Variants in PLCE1 observed in about 807,000 individuals in gnomAD.
PLCE1 encodes the protein 1-phosphatidylinositol 4,5-bisphosphate phosphodiesterase epsilon-1.
A neutral mutation model predicts 242.8 loss-of-function variants in PLCE1; 119 were observed. That is an observed-to-expected ratio of 0.49 (90% CI 0.42 to 0.57). PLCE1 has a LOEUF of 0.57. Among genes scored for constraint, PLCE1 ranks in the 20% least tolerant of loss-of-function variants. PLCE1 has a pLI of 0.00. For missense variants in PLCE1, 2,441 were observed against 2,788.8 expected, an observed-to-expected ratio of 0.88 and a Z score of 2.81; for synonymous variants, 945 against 1,017.4, an observed-to-expected ratio of 0.93 and a Z score of 1.35.
At position 94,331,928 on chromosome 10, in the gene PLCE1, G is replaced by C. The variant is rs921773468; in HGVS notation, c.*3985G>C. On this transcript the variant is annotated 3_prime_UTR_variant, in exon 33 of 33. Coordinates refer to ENST00000371380, the MANE Select transcript of PLCE1 (RefSeq NM_016341.4). ...ACTCTGTTGCCCAGCCTGGAGTGCA[G>C]TGGTACGATCTCGACTCACCACAAC... 6.7e-6 allele frequency: 1 copy of C among 148,522 alleles called. No homozygotes were observed. Among genetic ancestry groups the C allele is most frequent in the Non-Finnish European group, 1.5e-5 (1 of 67,708 alleles). 9.2% of individuals were successfully genotyped at this position (148,522 alleles called of 1,614,324 possible).
intron 2 of PLCE1, among the ~76,000 whole-genome samples, chr10:94,070,700 G>A (rs1478214628): frequency 6.6e-6 from 1 of 152,084 alleles, no homozygotes; most frequent in Non-Finnish European, 1.5e-5. Flanking sequence ...CACTTTTCTT[G>A]ACTATTCCTG....
At chr10:94,192,984 A>G (rs981096666) in intron 4 of PLCE1, among the ~76,000 whole-genome samples, 1 of 152,190 alleles carries the variant, frequency 6.6e-6, no homozygotes, top group Non-Finnish European at 1.5e-5. Flanking sequence ...CATAAATACA[A>G]TTTTATTATA....
intron 1 of PLCE1, among the ~76,000 whole-genome samples, chr10:93,999,633 G>A (rs1289872767): frequency 6.6e-6 from 1 of 152,188 alleles, no homozygotes; most frequent in Non-Finnish European, 1.5e-5. Context: ...GACTGCATCT[G>A]GACAGCCCGA....
At chr10:94,257,322 T>C in intron 11 of PLCE1, among the ~76,000 whole-genome samples, 1 of 151,902 alleles carries the variant, frequency 6.6e-6, no homozygotes, top group South Asian at 2.1e-4. Flanking sequence ...TTCTTATATA[T>C]TTGAAATATT....
intron 4 of PLCE1, among the ~76,000 whole-genome samples, chr10:94,194,495 G>A (rs189443508): frequency 1.4e-3 from 215 of 152,210 alleles, no homozygotes; most frequent in African/African-American, 4.4e-3. Flanking sequence ...CTGTCTACCC[G>A]GATGACTCAC....
At chr10:94,268,900 TG>T in intron 16 of PLCE1, 28 bp from the exon 17 acceptor site, 2 of 1,307,920 alleles carry the variant, frequency 1.5e-6, no homozygotes, top group Non-Finnish European at 2.2e-6. Context: ...GGTGCTCACC[TG>T]GGGTGGATTC....
At chr10:94,244,799 C>G (rs958834705) in intron 7 of PLCE1, among the ~76,000 whole-genome samples, 1 of 152,102 alleles carries the variant, frequency 6.6e-6, no homozygotes, top group African/African-American at 2.4e-5. Context: ...ACCTCCCAGG[C>G]TCCAGCAATC....
chr10:94,053,042 A>G (rs1311023002), intron 2 of PLCE1, among the ~76,000 whole-genome samples: 1 of 152,224 alleles, frequency 6.6e-6, no homozygotes, highest in African/African-American at 2.4e-5. Context: ...CGCTTTTTGA[A>G]GAGAAAACTT....
intron 23 of PLCE1, 79 bp downstream of exon 23, chr10:94,293,718 C>T (rs911588149): frequency 1.1e-5 from 16 of 1,497,550 alleles, no homozygotes; most frequent in Admixed American, 6.8e-5. Flanking sequence ...TAAGCACTTC[C>T]CTTGAATTTT....
chr10:94,182,095 T>G (rs546306291), intron 4 of PLCE1, among the ~76,000 whole-genome samples: 10 of 107,092 alleles, frequency 9.3e-5, no homozygotes, highest in South Asian at 7.3e-4. Flanking sequence ...TTTCTTTCTG[T>G]TTTTTTTTTT....
chr10:94,066,632 TATTCCCA>T (rs2044204144), intron 2 of PLCE1, among the ~76,000 whole-genome samples: 3 of 152,174 alleles, frequency 2.0e-5, no homozygotes, highest in Admixed American at 1.3e-4. Context: ...TTTAATGCAC[TATTCCCA>T]TGCTTGCGTG....
At chr10:94,161,152 G>T (rs1431894202) in intron 3 of PLCE1, among the ~76,000 whole-genome samples, 1 of 152,058 alleles carries the variant, frequency 6.6e-6, no homozygotes, top group Non-Finnish European at 1.5e-5. Context: ...AAGAAAGTTT[G>T]GTTCCATATG....
At chr10:94,213,576 T>G (rs1335131167) in intron 4 of PLCE1, among the ~76,000 whole-genome samples, 1 of 152,182 alleles carries the variant, frequency 6.6e-6, no homozygotes, top group Non-Finnish European at 1.5e-5. Flanking sequence ...CTGCCAACTT[T>G]CCTTGGATGT....
chr10:94,313,607 C>A (rs572588539), intron 28 of PLCE1, among the ~76,000 whole-genome samples: 1 of 152,268 alleles, frequency 6.6e-6, no homozygotes, highest in Admixed American at 6.5e-5. Flanking sequence ...CTACCTTCAA[C>A]CTGTAGAGAA....
intron 8 of PLCE1, among the ~76,000 whole-genome samples, chr10:94,249,761 G>A (rs2050809339): frequency 6.6e-6 from 1 of 152,120 alleles, no homozygotes; most frequent in South Asian, 2.1e-4. Flanking sequence ...TGTTGATGTG[G>A]GGTGTGGAGG....
intron 2 of PLCE1, among the ~76,000 whole-genome samples, chr10:94,127,753 C>T (rs954572159): frequency 3.3e-4 from 50 of 152,162 alleles, no homozygotes; most frequent in African/African-American, 1.1e-3. Flanking sequence ...CCTTATGAGG[C>T]AGATACTATT....
chr10:94,203,479 A>G lies in PLCE1; in HGVS notation c.1810-23827A>G, dbSNP rs73315811. Among the ~76,000 whole-genome samples the G allele has an allele frequency of 4.0e-3, 610 of 152,340 alleles. 2 individuals carry two copies. Among genetic ancestry groups the G allele is most frequent in the African/African-American group, 0.014 (586 of 41,574 alleles). On this transcript the variant is annotated intron_variant, in intron 4 of 32. Coordinates refer to ENST00000371380, the MANE Select transcript of PLCE1 (RefSeq NM_016341.4). Reference sequence around the variant, plus strand: ...ACTTGCTTTGAGATTATAAACTACCATTTTGTAAACTTTGAAATGTAGAGT... The same window carrying G: ...ACTTGCTTTGAGATTATAAACTACCGTTTTGTAAACTTTGAAATGTAGAGT...
At chr10:94,058,486 A>AT (rs1564653794) in intron 2 of PLCE1, among the ~76,000 whole-genome samples, 1 of 152,234 alleles carries the variant, frequency 6.6e-6, no homozygotes, top group African/African-American at 2.4e-5. Flanking sequence ...AGTCATAGGC[A>AT]TATGAAAAGT....
At chr10:94,294,575 A>G (rs1428530933) in intron 23 of PLCE1, among the ~76,000 whole-genome samples, 2 of 152,218 alleles carry the variant, frequency 1.3e-5, no homozygotes, top group African/African-American at 4.8e-5. Flanking sequence ...TACATATAAA[A>G]GTTATGTCTA....
Sources: gnomAD v4.1 joint callset for allele counts (sites outside exome capture counted in the v4.1 genomes callset) on GRCh38, gnomAD v4.1.1 for gene constraint, MANE v1.5 for transcripts, NCBI Gene and HGNC (gene_info 2026-07-23, HGNC 2026-07-21) for gene names.